The following FOXN3 variants were observed in gnomAD, a reference collection of about 807,000 sequenced individuals.
FOXN3 encodes the protein forkhead box N3.
In FOXN3, 7 loss-of-function variants were observed where a neutral mutation model predicts 38.4. That is an observed-to-expected ratio of 0.18 (90% confidence interval 0.10 to 0.34). The LOEUF is 0.34. Ranked by LOEUF, FOXN3 falls within the 10% of genes least tolerant of loss-of-function variation. The pLI is 1.00. For missense variants in FOXN3, 456 were observed against 613.4 expected (o/e 0.74, Z 2.71); for synonymous variants, 230 against 242.2 (o/e 0.95, Z 0.47).
intron 1 of FOXN3, among the ~76,000 whole-genome samples, chr14:89,521,276 C>G (rs1894310211): frequency 6.6e-6 from 1 of 151,742 alleles, no homozygotes; most frequent in African/African-American, 2.4e-5. Flanking sequence ...CACCACTGCA[C>G]TCCAGCCTGG....
At chr14:89,415,517 C>T (rs1891669355) in intron 1 of FOXN3, among the ~76,000 whole-genome samples, 1 of 149,900 alleles carries the variant, frequency 6.7e-6, no homozygotes, top group East Asian at 2.0e-4. Context: ...TCACTGCATC[C>T]CTATAAATCC....
chr14:89,502,577 G>A (rs1460470189), intron 1 of FOXN3, among the ~76,000 whole-genome samples: 2 of 152,208 alleles, frequency 1.3e-5, no homozygotes. Context: ...CCTCTGAAAT[G>A]AGTGCATCTA....
At chr14:89,550,195 C>A (rs187323395) in intron 1 of FOXN3, among the ~76,000 whole-genome samples, 135 of 152,260 alleles carry the variant, frequency 8.9e-4, no homozygotes, top group African/African-American at 3.1e-3. Context: ...TGGTCTTTGG[C>A]CATCAAAACA....
chr14:89,445,951 G>A (rs1249511434), intron 1 of FOXN3, among the ~76,000 whole-genome samples: 1 of 151,230 alleles, frequency 6.6e-6, no homozygotes, highest in African/African-American at 2.4e-5. Context: ...GCATGGTGGG[G>A]GGTGGCGGGG....
intron 3 of FOXN3, among the ~76,000 whole-genome samples, chr14:89,348,376 G>A (rs950789303): frequency 5.3e-5 from 8 of 152,128 alleles, no homozygotes; most frequent in African/African-American, 1.9e-4. Flanking sequence ...TGATGGCTTA[G>A]AATTGAACCA....
chr14:89,335,808 T>C (rs538247875), intron 3 of FOXN3, among the ~76,000 whole-genome samples: 1 of 152,128 alleles, frequency 6.6e-6, no homozygotes, highest in East Asian at 1.9e-4. Context: ...TAATTTTTTT[T>C]AAAAAAACTA....
chr14:89,610,088 T>C (rs1896358963), intron 1 of FOXN3, among the ~76,000 whole-genome samples: 1 of 152,152 alleles, frequency 6.6e-6, no homozygotes. Context: ...ATGTTGAAGC[T>C]TAAAGGGACT....
chr14:89,301,475 T>TA (rs1013713755), intron 3 of FOXN3, among the ~76,000 whole-genome samples: 4 of 148,786 alleles, frequency 2.7e-5, no homozygotes, highest in South Asian at 2.2e-4. Context: ...TACCCCATCT[T>TA]AAAAAAAAAT....
At chr14:89,525,329 T>C (rs1298405571) in intron 1 of FOXN3, among the ~76,000 whole-genome samples, 1 of 152,106 alleles carries the variant, frequency 6.6e-6, no homozygotes, top group Non-Finnish European at 1.5e-5. Flanking sequence ...TCCTCACTGC[T>C]CATTATACAC....
intron 2 of FOXN3, among the ~76,000 whole-genome samples, chr14:89,372,479 G>A (rs866121616): frequency 6.6e-6 from 1 of 152,100 alleles, no homozygotes; most frequent in African/African-American, 2.4e-5. Flanking sequence ...GACAACAGCT[G>A]ACTGAAACAA....
chr14:89,564,751 T>C (rs1182179846), intron 1 of FOXN3, among the ~76,000 whole-genome samples: 1 of 151,912 alleles, frequency 6.6e-6, no homozygotes. Context: ...TTAGTTAAGA[T>C]GAGGTCATCC....
intron 4 of FOXN3, among the ~76,000 whole-genome samples, chr14:89,221,487 T>A (rs1350010122): frequency 1.3e-5 from 2 of 152,258 alleles, no homozygotes; most frequent in South Asian, 2.1e-4. Context: ...AGATTTGTGA[T>A]ATATGAAGCA....
chr14:89,448,039 C>A (rs993360114), intron 1 of FOXN3, among the ~76,000 whole-genome samples: 1 of 151,960 alleles, frequency 6.6e-6, no homozygotes, highest in Admixed American at 6.6e-5. Flanking sequence ...GTCTCGAACT[C>A]CTGACCTCGT....
intron 3 of FOXN3, among the ~76,000 whole-genome samples, chr14:89,324,038 C>T (rs1389865249): frequency 1.3e-5 from 2 of 152,124 alleles, no homozygotes; most frequent in Admixed American, 1.3e-4. Flanking sequence ...TTGCAACCTG[C>T]AACAGACATC....
chr14:89,338,367 T>C (rs1416121165), intron 3 of FOXN3, among the ~76,000 whole-genome samples: 2 of 152,350 alleles, frequency 1.3e-5, no homozygotes, highest in East Asian at 3.9e-4. Context: ...AACACCTACA[T>C]GTGAAGTTTA....
Position 89,414,624 on chromosome 14 carries a change from G to A in FOXN3, c.-14-2134C>T, listed in dbSNP as rs570784963. On this transcript the variant is annotated intron_variant, in intron 1 of 5. Coordinates refer to ENST00000557258, the MANE Select transcript of FOXN3 (RefSeq NM_005197.4). ...GCTGGAGTGCAGTGGTGCAAAATCC[G>A]CTCACTGCAACCCCTGCCTCCCAGG... Among the ~76,000 whole-genome samples the A allele has an allele frequency of 9.0e-4, 130 of 144,450 alleles. 2 individuals carry two copies. The highest frequency in any genetic ancestry group is 3.2e-3 in the African/African-American group (123 of 38,902). The allele number at this position is 144,450 out of a possible 152,430, so 94.8% of individuals were successfully genotyped here.
intron 2 of FOXN3, among the ~76,000 whole-genome samples, chr14:89,399,409 G>A (rs1214955031): frequency 6.6e-6 from 1 of 152,220 alleles, no homozygotes; most frequent in East Asian, 1.9e-4. Flanking sequence ...CGTGGCCGCA[G>A]AGGAACAGAG....
intron 1 of FOXN3, among the ~76,000 whole-genome samples, chr14:89,521,807 T>C (rs1894324442): frequency 6.6e-6 from 1 of 152,074 alleles, no homozygotes; most frequent in South Asian, 2.1e-4. Flanking sequence ...TACGGATCAC[T>C]TGAGCCCAGG....
chr14:89,511,236 C>CTTTTT lies in FOXN3; in HGVS notation c.-14-98747_-14-98746insAAAAA, dbSNP rs1491163299. Among the ~76,000 whole-genome samples, 20 of 10,402 alleles carry CTTTTT rather than the reference C, an allele frequency of 1.9e-3. 4 individuals are homozygous for CTTTTT. Among genetic ancestry groups the CTTTTT allele is most frequent in the African/African-American group, 3.3e-3 (20 of 6,024 alleles). The allele number at this position is 10,402 out of a possible 152,430, so 6.8% of individuals were successfully genotyped here. A position where few individuals can be genotyped will look rare whatever the true frequency, so the allele number is the denominator to read the frequency against. Reference sequence around the variant, plus strand: ...CTTTCTTTCTTTCTTTCTTTTCTTTCCTTTTCTTTCTTTTCTTTCTTTCTT... The same window carrying CTTTTT: ...CTTTCTTTCTTTCTTTCTTTTCTTTCTTTTTCTTTTCTTTCTTTTCTTTCTTTCTT... On this transcript the variant is annotated intron_variant, in intron 1 of 6. Transcript: ENST00000345097.
Sources: gnomAD v4.1 joint callset for allele counts (sites outside exome capture counted in the v4.1 genomes callset) on GRCh38, gnomAD v4.1.1 for gene constraint, MANE v1.5 for transcripts, NCBI Gene and HGNC (gene_info 2026-07-23, HGNC 2026-07-21) for gene names.